ATP1A1: variants seen among roughly 807,000 people sequenced by gnomAD.
ATP1A1 encodes sodium/potassium-transporting ATPase subunit alpha-1.
Under a neutral mutation model 114.8 loss-of-function variants are expected in ATP1A1, and 14 were observed. The observed-to-expected ratio is 0.12, with a 90% CI of 0.08 to 0.19. The LOEUF is 0.19. Among genes scored for constraint, ATP1A1 ranks in the 10% least tolerant of loss-of-function variants. The pLI is 1.00. For missense variants in ATP1A1, 524 were observed against 1,290.7 expected (o/e 0.41, Z 9.10); for synonymous variants, 471 against 466.3 (o/e 1.01, Z -0.13).
intron 1 of ATP1A1, 129 bp from the exon 2 acceptor site, chr1:116,383,885 G>A (rs1169070678): frequency 2.7e-6 from 2 of 731,840 alleles, no homozygotes; most frequent in Non-Finnish European, 4.7e-6. Flanking sequence ...ACATTTTCCT[G>A]ACTATTATCT....
In ATP1A1 at chr1:116,400,946, C is replaced by G. The variant is rs1190603759; in HGVS notation, c.2658C>G (p.Leu886=). 6.2e-7 allele frequency: 1 copy of G among 1,614,190 alleles called. No homozygotes were observed. Among genetic ancestry groups the G allele is most frequent in the Admixed American group, 1.7e-5 (1 of 60,028 alleles). ...TCCTCCCAATTCACCTGTTGGGCCT[C>G]CGAGTGGACTGGGATGACCGCTGGA... is the stretch of plus-strand genomic sequence containing the variant. The part of the protein sequence containing the change: ...NGFLPIHLLG[L]RVDWDDRWIN... Residue 886 remains leucine, a synonymous_variant, in exon 19 of 23, where the codon CTC becomes CTG. Transcript: ENST00000295598.
chr1:116,402,300 G>A (rs1653556353), intron 21 of ATP1A1, among the ~76,000 whole-genome samples: 1 of 152,158 alleles, frequency 6.6e-6, no homozygotes, highest in South Asian at 2.1e-4. Flanking sequence ...GTGATACCTG[G>A]TTGAGGTTAA....
rs374509870 is a variant in ATP1A1 at position 116,403,929 on chromosome 1, C to T, written c.2997C>T (p.Phe999=). ...FCAFPYSLLI[F]VYDEVRKLII... is the part of the protein sequence containing the mutation. ...CCTTCCCCTACTCTCTTCTCATCTT[C>T]GTATATGACGAAGTCAGAAAACTCA... The change falls in exon 22 of 23, where the codon TTC becomes TTT. Residue 999 remains phenylalanine (F), a synonymous_variant. Transcript: ENST00000295598. 6.2e-6 allele frequency: 10 copies of T among 1,614,090 alleles called. No homozygotes were observed. Among genetic ancestry groups the T allele is most frequent in the Middle Eastern group, 1.6e-4 (1 of 6,084 alleles).
chr1:116,373,996 C>G, intron 1 of ATP1A1: 1 of 1,368,670 alleles, frequency 7.3e-7, no homozygotes, highest in South Asian at 1.6e-5. Flanking sequence ...GCGCTCCTCC[C>G]CTTCCCCTGG....
Position 116,398,107 on chromosome 1 carries a change from CAG to C in ATP1A1, c.2124+72_2124+73del, listed in dbSNP as rs1453050573. On this transcript the variant is annotated intron_variant, in intron 15 of 22. Transcript: ENST00000295598. The surrounding 1 kb of genome is among the most constrained non-coding windows in gnomAD (Gnocchi z 6.1). Reference sequence around the variant, plus strand: ...TTAGGGATTGGAGTTCCAGTGGAAACAGAGCAACGGTGATGGATGGATGCATA... The same window carrying C: ...TTAGGGATTGGAGTTCCAGTGGAAACAGCAACGGTGATGGATGGATGCATA... 14 of 1,581,172 alleles carry C rather than the reference CAG, an allele frequency of 8.9e-6. No homozygotes were observed. The highest frequency in any genetic ancestry group is 1.2e-5 in the South Asian group (1 of 86,616).
Position 116,389,837 on chromosome 1 carries a change from G to A in ATP1A1, c.1023+130G>A. On this transcript the variant is annotated intron_variant, in intron 8 of 22. Coordinates refer to ENST00000295598, the MANE Select transcript of ATP1A1 (RefSeq NM_000701.8). This position sits in a 1 kb window ranked among gnomAD's most constrained non-coding sequence, Gnocchi z 6.9. Reference sequence around the variant, plus strand: ...ATGTTTGATATAGTTCTTCTTGAGAGCCACATCACGTGGTGAATTTTGACA... The same window carrying A: ...ATGTTTGATATAGTTCTTCTTGAGAACCACATCACGTGGTGAATTTTGACA... 7.6e-7 allele frequency: 1 copy of A among 1,318,360 alleles called. No individual in the cohort carries two copies. Among genetic ancestry groups the A allele is most frequent in the East Asian group, 2.5e-5 (1 of 39,884 alleles). The allele number at this position is 1,318,360 out of a possible 1,614,324, so 81.7% of individuals were successfully genotyped here. A position where few individuals can be genotyped will look rare whatever the true frequency, so the allele number is the denominator to read the frequency against.
At chr1:116,390,549 T>C in intron 9 of ATP1A1, 138 bp downstream of exon 9, 1 of 1,008,968 alleles carries the variant, frequency 9.9e-7, no homozygotes. Flanking sequence ...TTTTTTTTTT[T>C]TATCATTTAG....
intron 10 of ATP1A1, among the ~76,000 whole-genome samples, chr1:116,391,222 A>G (rs1447610796): frequency 3.9e-5 from 6 of 152,206 alleles, no homozygotes; most frequent in Non-Finnish European, 7.3e-5. Flanking sequence ...TTTATATGTT[A>G]TCACCTAACC....
Position 116,395,002 on chromosome 1 carries a change from T to C in ATP1A1, c.1661-108T>C. Reference sequence around the variant, plus strand: ...ATAAAAATATAGACTTTAAAAATTTTCCAAAGTAAACACTCCAGAGAAAGG... The same window carrying C: ...ATAAAAATATAGACTTTAAAAATTTCCCAAAGTAAACACTCCAGAGAAAGG... On this transcript the variant is annotated intron_variant, in intron 12 of 22. Transcript: ENST00000295598. This position sits in a 1 kb window ranked among gnomAD's most constrained non-coding sequence, Gnocchi z 6.4. The C allele has an allele frequency of 1.8e-6, 2 of 1,142,292 alleles. No individual in the cohort carries two copies. The highest frequency in any genetic ancestry group is 2.5e-6 in the Non-Finnish European group (2 of 813,084). 70.8% of individuals were successfully genotyped at this position (1,142,292 alleles called of 1,614,324 possible).
At chr1:116,392,251 G>A (rs1383473888) in intron 10 of ATP1A1, 1 of 152,162 alleles carries the variant, frequency 6.6e-6, no homozygotes, top group Non-Finnish European at 1.5e-5. Context: ...AATGTTACGT[G>A]GTTCGATTTT....
Position 116,385,342 on chromosome 1 carries a change from A to G in ATP1A1, c.183+500A>G, listed in dbSNP as rs748686676. The G allele has an allele frequency of 6.3e-6, 1 of 159,932 alleles. No homozygotes were observed. Among genetic ancestry groups the G allele is most frequent in the Non-Finnish European group, 1.4e-5 (1 of 73,738 alleles). 9.9% of individuals were successfully genotyped at this position (159,932 alleles called of 1,614,324 possible). A position where few individuals can be genotyped will look rare whatever the true frequency, so the allele number is the denominator to read the frequency against. On this transcript the variant is annotated intron_variant, in intron 3 of 22. Coordinates refer to ENST00000295598, the MANE Select transcript of ATP1A1 (RefSeq NM_000701.8). This position sits in a 1 kb window ranked among gnomAD's most constrained non-coding sequence, Gnocchi z 4.3. ...GTACAAAAATTAAAGAAACCTTTTCATAAAATAGGCGTTATGTATCCTTGT... is the reference window on the plus strand; with the variant it reads ...GTACAAAAATTAAAGAAACCTTTTCGTAAAATAGGCGTTATGTATCCTTGT...
At position 116,389,912 on chromosome 1, in the gene ATP1A1, C is replaced by T; in HGVS notation, c.1023+205C>T. ...ATACGTAAGATAACCCCAAAGCATACATTTTGCTTTTAAATTATCACGTGG... is the reference window on the plus strand; with the variant it reads ...ATACGTAAGATAACCCCAAAGCATATATTTTGCTTTTAAATTATCACGTGG... On this transcript the variant is annotated intron_variant, in intron 8 of 22. Transcript: ENST00000295598. The surrounding 1 kb of genome is among the most constrained non-coding windows in gnomAD (Gnocchi z 6.9). The T allele has an allele frequency of 3.5e-6, 3 of 848,484 alleles. No individual in the cohort carries two copies. Among genetic ancestry groups the T allele is most frequent in the Non-Finnish European group, 5.3e-6 (3 of 563,614 alleles). The allele number at this position is 848,484 out of a possible 1,614,324, so 52.6% of individuals were successfully genotyped here.
rs773759877 is a variant in ATP1A1, at chr1:116,392,970, C to T, written c.1449C>T (p.Asn483=). ...CCAAAATCGTCGAGATACCCTTCAA[C>T]TCCACCAACAAGTACCAGGTCTGAA... is the stretch of plus-strand genomic sequence containing the variant. ...RYAKIVEIPF[N]STNKYQLSIH... Residue 483 remains asparagine (N), a synonymous_variant, in exon 11 of 23, where the codon AAC becomes AAT. Coordinates refer to ENST00000295598, the MANE Select transcript of ATP1A1 (RefSeq NM_000701.8). 1.9e-6 allele frequency: 3 copies of T among 1,614,132 alleles called. No individual in the cohort carries two copies. Among genetic ancestry groups the T allele is most frequent in the Non-Finnish European group, 2.5e-6 (3 of 1,180,022 alleles).
Position 116,384,008 on chromosome 1 carries a change from C to G in ATP1A1, c.13-6C>G, listed in dbSNP as rs751181971. On this transcript the variant is annotated splice_region_variant and splice_polypyrimidine_tract_variant and intron_variant, in intron 1 of 22. Transcript: ENST00000295598. This position sits in a 1 kb window ranked among gnomAD's most constrained non-coding sequence, Gnocchi z 5.1. ...ATGGCCTCACTTTTCCCACATTCTC[C>G]TACAGGTTGGACGTGATAAGTATGA... The G allele has an allele frequency of 1.2e-6, 2 of 1,612,304 alleles. No homozygotes were observed. The highest frequency in any genetic ancestry group is 2.2e-5 in the East Asian group (1 of 44,860).
chr1:116,403,068 C>A (rs1393494252), intron 21 of ATP1A1, among the ~76,000 whole-genome samples: 2 of 152,220 alleles, frequency 1.3e-5, no homozygotes, highest in African/African-American at 4.8e-5. Flanking sequence ...TTTCCATCTT[C>A]TGGGTCCTTC....
chr1:116,374,118 T>C, intron 1 of ATP1A1: 1 of 1,538,592 alleles, frequency 6.5e-7, no homozygotes, highest in Non-Finnish European at 8.8e-7. Context: ...GGGGCTTAGC[T>C]TGCTCCGCGC....
Position 116,384,145 on chromosome 1 carries a change from T to A in ATP1A1, c.123+21T>A. 1.9e-6 allele frequency: 3 copies of A among 1,575,952 alleles called. No homozygotes were observed. Among genetic ancestry groups the A allele is most frequent in the Non-Finnish European group, 2.6e-6 (3 of 1,145,810 alleles). On this transcript the variant is annotated intron_variant, in intron 2 of 22. Transcript: ENST00000295598. The surrounding 1 kb of genome is among the most constrained non-coding windows in gnomAD (Gnocchi z 5.1). The stretch of plus-strand genomic sequence containing the variant: ...CTATGGTAAGTACTAGGAGGAATAT[T>A]GTATTCCATCCTTATTAAAAATCCA...
intron 1 of ATP1A1, chr1:116,383,546 C>A: frequency 9.2e-6 from 2 of 216,778 alleles, no homozygotes; most frequent in Non-Finnish European, 1.6e-5. Flanking sequence ...CCTAAGGATA[C>A]ACTGCTGGTA....
chr1:116,377,877 T>G (rs151318457), intron 1 of ATP1A1, among the ~76,000 whole-genome samples: 2 of 152,234 alleles, frequency 1.3e-5, no homozygotes, highest in African/African-American at 4.8e-5. Flanking sequence ...AAAGTACATG[T>G]CCAGTACATG....
Sources: gnomAD v4.1 joint callset for allele counts (sites outside exome capture counted in the v4.1 genomes callset) on GRCh38, gnomAD v4.1.1 for gene constraint, Gnocchi (gnomAD v3.1) non-coding constraint, MANE v1.5 for transcripts, NCBI Gene and HGNC (gene_info 2026-07-23, HGNC 2026-07-21) for gene names.